The following HDAC9 variants were observed in gnomAD, a reference collection of about 807,000 sequenced individuals.
HDAC9 encodes MEF-2 interacting transcription repressor (MITR) protein.
In HDAC9, 41 loss-of-function variants were observed where a neutral mutation model predicts 139.4. That is an observed-to-expected ratio of 0.29 (90% CI 0.23 to 0.38). HDAC9 has a LOEUF of 0.38. Among genes scored for constraint, HDAC9 ranks in the 10% least tolerant of loss-of-function variants. The pLI is 1.00. For synonymous variants in HDAC9, 517 were observed against 476.2 expected, an observed-to-expected ratio of 1.09 and a Z score of -1.12; for missense variants, 1,147 against 1,297.0, an observed-to-expected ratio of 0.88 and a Z score of 1.78.
intron 1 of HDAC9, among the ~76,000 whole-genome samples, chr7:18,153,843 T>C (rs1786972146): frequency 6.6e-6 from 1 of 152,170 alleles, no homozygotes; most frequent in South Asian, 2.1e-4. Flanking sequence ...CTCATACTGG[T>C]TTCCTTCTAC....
intron 1 of HDAC9, among the ~76,000 whole-genome samples, chr7:18,381,081 C>A (rs951680188): frequency 6.6e-6 from 1 of 150,446 alleles, no homozygotes; most frequent in Admixed American, 6.6e-5. Flanking sequence ...GCCTATAGTC[C>A]TGCACTACTG....
At chr7:18,882,958 C>T (rs10266268) in intron 22 of HDAC9, among the ~76,000 whole-genome samples, 6,139 of 152,092 alleles carry the variant, frequency 0.04, 294 homozygotes, top group African/African-American at 0.11. Context: ...TAATTAAAAG[C>T]CAGTTTAGCA....
intron 2 of HDAC9, among the ~76,000 whole-genome samples, chr7:18,248,103 G>A (rs182491748): frequency 1.1e-4 from 16 of 152,210 alleles, no homozygotes; most frequent in African/African-American, 3.6e-4. Context: ...ACATAAAAAT[G>A]TATTATGTAT....
chr7:18,294,330 G>C (rs78939046), intron 1 of HDAC9, among the ~76,000 whole-genome samples: 2 of 151,988 alleles, frequency 1.3e-5, no homozygotes, highest in Non-Finnish European at 1.5e-5. Context: ...TTCTTATTCC[G>C]TGGTTTCTTC....
intron 17 of HDAC9, 95 bp from the exon 18 acceptor site, chr7:18,829,066 G>A: frequency 2.4e-6 from 2 of 845,716 alleles, no homozygotes; most frequent in Non-Finnish European, 2.1e-6. Flanking sequence ...TTGTGTGTGT[G>A]TGCCTGAGGC....
At chr7:18,732,654 T>TAC (rs572125787) in intron 13 of HDAC9, among the ~76,000 whole-genome samples, 3 of 104,346 alleles carry the variant, frequency 2.9e-5, no homozygotes, top group South Asian at 3.0e-4. Context: ...TGTGTATATA[T>TAC]ACACACACAC....
intron 22 of HDAC9, among the ~76,000 whole-genome samples, chr7:18,915,894 C>G (rs1463296305): frequency 2.6e-5 from 4 of 151,286 alleles, no homozygotes; most frequent in Middle Eastern, 3.2e-3. Flanking sequence ...GGACTGGGCC[C>G]TTAGAGTGCA....
chr7:18,486,104 T>A (rs928192047), intron 1 of HDAC9, among the ~76,000 whole-genome samples: 41 of 152,154 alleles, frequency 2.7e-4, no homozygotes, highest in African/African-American at 9.9e-4. Context: ...AAGAGATGGC[T>A]AGATTTGCTT....
At chr7:18,312,680 A>C (rs186390673) in intron 1 of HDAC9, among the ~76,000 whole-genome samples, 3 of 152,268 alleles carry the variant, frequency 2.0e-5, no homozygotes, top group Non-Finnish European at 2.9e-5. Context: ...GCAGGGACTG[A>C]TAAAGATCAA....
At chr7:18,456,817 A>G (rs1793394651) in intron 1 of HDAC9, among the ~76,000 whole-genome samples, 1 of 152,194 alleles carries the variant, frequency 6.6e-6, no homozygotes, top group Non-Finnish European at 1.5e-5. Flanking sequence ...TATTTTCTAA[A>G]TTGAATATGC....
chr7:18,850,703 T>G lies in HDAC9; in HGVS notation c.2684+14706T>G, dbSNP rs564683353. On this transcript the variant is annotated intron_variant, in intron 21 of 25. Coordinates refer to ENST00000686413, the MANE Select transcript of HDAC9 (RefSeq NM_178425.4). ...CATTCCTGTCTTGCTTCATTAAGGC[T>G]GCTGTCACAACATATCATGGACTGG... 2.0e-5 allele frequency among the ~76,000 whole-genome samples: 3 copies of G among 152,322 alleles called. No individual in the cohort carries two copies. The South Asian group carries it at 6.2e-4, about 32-fold the overall frequency.
intron 12 of HDAC9, among the ~76,000 whole-genome samples, chr7:18,715,544 T>C (rs1784639684): frequency 6.6e-6 from 1 of 152,268 alleles, no homozygotes; most frequent in East Asian, 1.9e-4. Context: ...AAAAATGTGA[T>C]TCTCCTAATG....
chr7:18,782,456 G>T lies in HDAC9; in HGVS notation c.2215-10889G>T, dbSNP rs535499214. ...GGACAGGTAGCTTAATTTCTATCAT[G>T]TGCGGCTTTTCAGAGCATTAGCTTT... On this transcript the variant is annotated intron_variant, in intron 16 of 25. Coordinates refer to ENST00000686413, the MANE Select transcript of HDAC9 (RefSeq NM_178425.4). Among the ~76,000 whole-genome samples the T allele has an allele frequency of 5.3e-5, 8 of 152,086 alleles. No individual in the cohort carries two copies. The South Asian group carries it at 8.3e-4, about 16-fold the overall frequency.
intron 2 of HDAC9, among the ~76,000 whole-genome samples, chr7:18,269,807 C>A (rs2128212511): frequency 6.6e-6 from 1 of 152,198 alleles, no homozygotes; most frequent in South Asian, 2.1e-4. Flanking sequence ...AGGATTGCCT[C>A]CTCCTAGTTG....
chr7:18,806,085 A>C (rs971092486), intron 17 of HDAC9, among the ~76,000 whole-genome samples: 4 of 152,150 alleles, frequency 2.6e-5, no homozygotes, highest in African/African-American at 7.2e-5. Flanking sequence ...TAAAAATGAG[A>C]CTATTTCTAT....
At chr7:18,090,849 CT>C (rs1233256278) in intron 1 of HDAC9, among the ~76,000 whole-genome samples, 2 of 151,218 alleles carry the variant, frequency 1.3e-5, no homozygotes, top group Admixed American at 6.6e-5. Flanking sequence ...ATAAATCAGA[CT>C]TTTTTTAAAA....
chr7:18,128,387 C>T (rs1339265557), intron 1 of HDAC9, among the ~76,000 whole-genome samples: 2 of 151,994 alleles, frequency 1.3e-5, no homozygotes, highest in African/African-American at 4.8e-5. Context: ...ATGAATGTGG[C>T]TCCTTTCATC....
intron 22 of HDAC9, among the ~76,000 whole-genome samples, chr7:18,895,221 G>T (rs576486512): frequency 1.8e-4 from 27 of 152,250 alleles, no homozygotes; most frequent in Non-Finnish European, 3.4e-4. Flanking sequence ...ATTCGATAGG[G>T]CTCAGGCCCC....
intron 6 of HDAC9, among the ~76,000 whole-genome samples, chr7:18,605,579 G>C (rs28652749): frequency 0.024 from 3,706 of 152,136 alleles, 155 homozygotes; most frequent in African/African-American, 0.085. Flanking sequence ...AACAGAAAGG[G>C]ATTTTTTTCT....
Sources: allele counts gnomAD v4.1 joint callset (sites outside exome capture counted in the v4.1 genomes callset), GRCh38; gene constraint gnomAD v4.1.1; transcripts MANE v1.5; gene names NCBI Gene and HGNC (gene_info 2026-07-23, HGNC 2026-07-21).